Variants in SLC39A14 observed in about 807,000 individuals in gnomAD.
SLC39A14 encodes solute carrier family 39 member 14.
In SLC39A14, 19 loss-of-function variants were observed where a neutral mutation model predicts 45.5. The ratio of observed to expected loss-of-function variants is 0.42; its 90% CI spans 0.29 to 0.61. SLC39A14 has a LOEUF of 0.61. Among genes scored for constraint, SLC39A14 ranks in the 20% least tolerant of loss-of-function variants. The probability of loss-of-function intolerance (pLI) is 0.22; values close to 1 mark genes in which losing one functional copy is unlikely to be tolerated. For synonymous variants in SLC39A14, 264 were observed against 251.3 expected, an observed-to-expected ratio of 1.05 and a Z score of -0.48; for missense variants, 447 against 616.5, an observed-to-expected ratio of 0.73 and a Z score of 2.91.
At chr8:22,427,018 T>G (rs1057151489), downstream of SLC39A14, among the ~76,000 whole-genome samples, 5 of 151,096 alleles carry the variant, frequency 3.3e-5, no homozygotes, top group Non-Finnish European at 5.9e-5. Flanking sequence ...TGGGGCCGGG[T>G]GCAGTGGCTC....
downstream of SLC39A14, among the ~76,000 whole-genome samples, chr8:22,423,537 G>A (rs1009604379): frequency 1.3e-4 from 20 of 151,938 alleles, no homozygotes; most frequent in African/African-American, 3.9e-4. Flanking sequence ...GGGTTTCACC[G>A]TGTTAGCCAG....
rs1311896421 is a variant in SLC39A14 at position 22,421,499 on chromosome 8, G to A, written c.*1801G>A. On this transcript the variant is annotated 3_prime_UTR_variant, in exon 9 of 9. Transcript: ENST00000381237. ...AATATCAGGACTGATTTCCTGGTGG[G>A]ATTATGGTCCAGTTTTACCAAAGAA... The A allele has an allele frequency of 1.0e-6, 1 of 985,386 alleles. No homozygotes were observed. The highest frequency in any genetic ancestry group is 6.2e-5 in the Admixed American group (1 of 16,210). 61.0% of individuals were successfully genotyped at this position (985,386 alleles called of 1,614,324 possible).
downstream of SLC39A14, among the ~76,000 whole-genome samples, chr8:22,424,901 C>A (rs952297498): frequency 9.2e-5 from 14 of 152,032 alleles, no homozygotes; most frequent in African/African-American, 3.4e-4. Flanking sequence ...TGGTGGTGTG[C>A]CTCTGTAATC....
In SLC39A14 at chr8:22,420,852, T is replaced by G. The variant is rs1050149879; in HGVS notation, c.*1154T>G. 105 of 985,536 alleles carry G rather than the reference T, an allele frequency of 1.1e-4. No homozygotes were observed. The African/African-American group carries it at 1.6e-3, about 15-fold the overall frequency. 61.0% of individuals were successfully genotyped at this position (985,536 alleles called of 1,614,324 possible). On this transcript the variant is annotated 3_prime_UTR_variant, in exon 9 of 9. Transcript: ENST00000381237. ...TGCAGAATGGTTGGCCTAATGATTA[T>G]GCTACAGATGGGTTTTAAATGACCC...
chr8:22,424,573 A>G (rs930675949), downstream of SLC39A14, among the ~76,000 whole-genome samples: 32 of 152,100 alleles, frequency 2.1e-4, no homozygotes, highest in African/African-American at 7.0e-4. Context: ...TTTTCTGCCT[A>G]CAGTCCCTCC....
intron 1 of SLC39A14, among the ~76,000 whole-genome samples, chr8:22,400,090 A>G (rs1039950016): frequency 4.2e-5 from 6 of 141,206 alleles, no homozygotes; most frequent in African/African-American, 1.9e-4. Flanking sequence ...AGATCTGCAC[A>G]GAGACACGCA....
Position 22,396,500 on chromosome 8 carries a change from AGG to A in SLC39A14, c.-15-8194_-15-8193del, listed in dbSNP as rs1563533817. On this transcript the variant is annotated intron_variant, in intron 1 of 8. Transcript: ENST00000381237. ...GAGAGAGAGAGAGAGAGAGAGAGAG[AGG>A]GAGAGAGAGAGAGAGAGAGAGAGAG... 1.8e-3 allele frequency among the ~76,000 whole-genome samples: 7 copies of A among 3,978 alleles called. 2 individuals are homozygous for A. Among genetic ancestry groups the A allele is most frequent in the Admixed American group, 0.012 (4 of 342 alleles). 2.6% of individuals were successfully genotyped at this position (3,978 alleles called of 152,430 possible).
rs997822732 is a variant in SLC39A14, at chr8:22,420,195, C to T, written c.*497C>T. 3 of 985,962 alleles carry T rather than the reference C, an allele frequency of 3.0e-6. No homozygotes were observed. The highest frequency in any genetic ancestry group is 3.6e-6 in the Non-Finnish European group (3 of 830,448). The allele number at this position is 985,962 out of a possible 1,614,324, so 61.1% of individuals were successfully genotyped here. The stretch of plus-strand genomic sequence containing the variant: ...GAGACAGGAAGCCTTCCCATTTTTT[C>T]AAAGTCTGTTTAATTGCCTATTACT... On this transcript the variant is annotated 3_prime_UTR_variant, in exon 9 of 9. Coordinates refer to ENST00000381237, the MANE Select transcript of SLC39A14 (RefSeq NM_001128431.4).
chr8:22,408,288 T>A (rs1457421738), intron 2 of SLC39A14, 22 bp from the exon 3 acceptor site: 2 of 1,607,330 alleles, frequency 1.2e-6, no homozygotes, highest in Non-Finnish European at 1.7e-6. Flanking sequence ...CTAAGCGGCT[T>A]CCTGCCCTTC....
chr8:22,406,669 C>A (rs1361404361), intron 2 of SLC39A14, among the ~76,000 whole-genome samples: 1 of 152,118 alleles, frequency 6.6e-6, no homozygotes, highest in Non-Finnish European at 1.5e-5. Context: ...TCCAGCCTGG[C>A]GACAGAGCGA....
At position 22,422,350 on chromosome 8, in the gene SLC39A14, A is replaced by G. The variant is rs1051708; in HGVS notation, c.*2652A>G. 2.0e-6 allele frequency: 2 copies of G among 985,374 alleles called. No individual in the cohort carries two copies. The highest frequency in any genetic ancestry group is 3.5e-5 in the African/African-American group (2 of 57,172). 61.0% of individuals were successfully genotyped at this position (985,374 alleles called of 1,614,324 possible). On this transcript the variant is annotated 3_prime_UTR_variant, in exon 9 of 9. Coordinates refer to ENST00000381237, the MANE Select transcript of SLC39A14 (RefSeq NM_001128431.4). ...CAAAGGTATTTTGTGTCTAGTGTCA[A>G]ATTGGAGCTATTCTTCACTGGTCCT...
At chr8:22,407,930 A>G (rs1354653338) in intron 2 of SLC39A14, among the ~76,000 whole-genome samples, 2 of 151,872 alleles carry the variant, frequency 1.3e-5, no homozygotes, top group African/African-American at 2.4e-5. Context: ...CTGGTCTCCA[A>G]TTTCTGTCCT....
rs1326846079 is a variant in SLC39A14 at position 22,409,815 on chromosome 8, A to G, written c.457+1319A>G. ...ATCTGGTGAGAGATGGACTCAGCAA[A>G]TGTTTACTGATGGGTTGGTGGATCT... On this transcript the variant is annotated intron_variant, in intron 3 of 8. Transcript: ENST00000381237. 2.9e-5 allele frequency: 25 copies of G among 873,618 alleles called. No homozygotes were observed. In the East Asian group the frequency reaches 5.1e-4, roughly 18 times the overall value. The allele number at this position is 873,618 out of a possible 1,614,324, so 54.1% of individuals were successfully genotyped here. A position where few individuals can be genotyped will look rare whatever the true frequency, so the allele number is the denominator to read the frequency against.
chr8:22,393,936 G>A (rs28718194), intron 1 of SLC39A14, among the ~76,000 whole-genome samples: 19,584 of 151,934 alleles, frequency 0.13, 1,300 homozygotes, highest in East Asian at 0.19. Flanking sequence ...GCCTCCCAGA[G>A]TGCTGGGATT....
intron 1 of SLC39A14, among the ~76,000 whole-genome samples, chr8:22,398,494 A>G (rs73544024): frequency 0.036 from 5,384 of 151,630 alleles, 320 homozygotes; most frequent in African/African-American, 0.12. Context: ...TGCGCCCAGA[A>G]TCTGAGAGTG....
intron 1 of SLC39A14, among the ~76,000 whole-genome samples, chr8:22,378,223 T>G (rs1281291525): frequency 5.3e-5 from 8 of 152,182 alleles, no homozygotes; most frequent in Admixed American, 3.9e-4. Context: ...TTCACTGCTC[T>G]GGGGAGTGGA....
At position 22,412,135 on chromosome 8, in the gene SLC39A14, C is replaced by T. The variant is rs1183695533; in HGVS notation, c.556C>T (p.Leu186=). 3 of 1,551,600 alleles carry T rather than the reference C, an allele frequency of 1.9e-6. No individual in the cohort carries two copies. Among genetic ancestry groups the T allele is most frequent in the Non-Finnish European group, 2.6e-6 (3 of 1,146,986 alleles). The change falls in exon 4 of 9, where the codon CTG becomes TTG. Residue 186 remains leucine, a synonymous_variant. Coordinates refer to ENST00000381237, the MANE Select transcript of SLC39A14 (RefSeq NM_001128431.4). ...CATGAAGAAGACCTTTTACAAGAGG[C>T]TGCTGCTCTACTTCATAGCTCTGGC... ...PFMKKTFYKR[L]LLYFIALAIG...
chr8:22,372,858 A>T (rs554046699), intron 1 of SLC39A14, among the ~76,000 whole-genome samples: 2 of 152,036 alleles, frequency 1.3e-5, no homozygotes, highest in Non-Finnish European at 2.9e-5. Context: ...CTAGTCTTAA[A>T]CTCTGGCTTC....
intron 1 of SLC39A14, among the ~76,000 whole-genome samples, chr8:22,392,231 T>C (rs1188059826): frequency 6.6e-6 from 1 of 152,076 alleles, no homozygotes; most frequent in Non-Finnish European, 1.5e-5. Flanking sequence ...ACCCAGAAGA[T>C]GGGGAACTAG....
Sources: gnomAD v4.1 joint callset for allele counts (sites outside exome capture counted in the v4.1 genomes callset) on GRCh38, gnomAD v4.1.1 for gene constraint, MANE v1.5 for transcripts, NCBI Gene and HGNC (gene_info 2026-07-23, HGNC 2026-07-21) for gene names.